Variants in HECW2 observed in about 807,000 individuals in gnomAD.
HECW2 encodes E3 ubiquitin-protein ligase HECW2.
A neutral mutation model predicts 175.2 loss-of-function variants in HECW2; 61 were observed. The observed-to-expected ratio is 0.35, with a 90% CI of 0.28 to 0.43. HECW2 has a LOEUF of 0.43. Ranked by LOEUF, HECW2 falls within the 20% of genes least tolerant of loss-of-function variation. The pLI is 1.00. For missense variants in HECW2, 1,524 were observed against 2,000.5 expected (o/e 0.76, Z 4.54); for synonymous variants, 671 against 731.0 (o/e 0.92, Z 1.32).
intron 1 of HECW2, among the ~76,000 whole-genome samples, chr2:196,577,792 T>C (rs1441380345): frequency 6.6e-6 from 1 of 152,096 alleles, no homozygotes; most frequent in Non-Finnish European, 1.5e-5. Flanking sequence ...TGACCACTAA[T>C]ATAACCAGAC....
intron 1 of HECW2, among the ~76,000 whole-genome samples, chr2:196,570,850 T>C (rs190050299): frequency 6.6e-6 from 1 of 152,320 alleles, no homozygotes; most frequent in East Asian, 1.9e-4. Context: ...GCTTTCCCTT[T>C]AGAAAGTGCA....
intron 1 of HECW2, among the ~76,000 whole-genome samples, chr2:196,437,246 G>T (rs1039563285): frequency 2.0e-5 from 3 of 152,072 alleles, no homozygotes; most frequent in Non-Finnish European, 4.4e-5. Context: ...AGAGTACTGG[G>T]AGGCGGAGAA....
intron 15 of HECW2, among the ~76,000 whole-genome samples, chr2:196,275,825 T>C (rs940736888): frequency 2.0e-5 from 3 of 152,172 alleles, no homozygotes; most frequent in African/African-American, 4.8e-5. Context: ...TGTTTCTTCA[T>C]TGTAGCAGGT....
At chr2:196,304,525 C>T (rs1162372563) in intron 13 of HECW2, among the ~76,000 whole-genome samples, 1 of 152,100 alleles carries the variant, frequency 6.6e-6, no homozygotes, top group Non-Finnish European at 1.5e-5. Context: ...CCACTCTATT[C>T]CCAGAGTCTA....
chr2:196,311,319 C>T (rs1339832955), intron 10 of HECW2, among the ~76,000 whole-genome samples: 3 of 152,152 alleles, frequency 2.0e-5, no homozygotes, highest in Admixed American at 2.0e-4. Flanking sequence ...ATCAGACTAT[C>T]TGAAGCTAGG....
At chr2:196,573,682 T>C (rs950837924) in intron 1 of HECW2, among the ~76,000 whole-genome samples, 2 of 152,114 alleles carry the variant, frequency 1.3e-5, no homozygotes, top group African/African-American at 4.8e-5. Context: ...TCAGCTGCAA[T>C]TGCCGAACAC....
intron 13 of HECW2, among the ~76,000 whole-genome samples, chr2:196,293,264 G>A (rs1690674167): frequency 6.6e-6 from 1 of 152,140 alleles, no homozygotes; most frequent in African/African-American, 2.4e-5. Context: ...TTGGTTTTCT[G>A]TTCCTGTGTT....
At chr2:196,297,207 T>C (rs1690849088) in intron 13 of HECW2, among the ~76,000 whole-genome samples, 1 of 152,222 alleles carries the variant, frequency 6.6e-6, no homozygotes, top group African/African-American at 2.4e-5. Context: ...TTGTTTTCCT[T>C]TGACATAATT....
intron 1 of HECW2, among the ~76,000 whole-genome samples, chr2:196,543,092 G>A (rs1033170730): frequency 1.3e-5 from 2 of 150,546 alleles, no homozygotes; most frequent in African/African-American, 2.4e-5. Context: ...ATCACTGGGA[G>A]GTAGCATTTC....
At chr2:196,363,647 C>G (rs1693663668) in intron 2 of HECW2, among the ~76,000 whole-genome samples, 1 of 152,036 alleles carries the variant, frequency 6.6e-6, no homozygotes, top group Non-Finnish European at 1.5e-5. Context: ...GGTGAGACAC[C>G]ATCTCTACAA....
intron 1 of HECW2, among the ~76,000 whole-genome samples, chr2:196,455,320 C>G (rs567362901): frequency 6.6e-6 from 1 of 152,350 alleles, no homozygotes; most frequent in East Asian, 1.9e-4. Context: ...GCGTAGGCCA[C>G]AATGCCCGGC....
chr2:196,285,539 T>C (rs1033610361), intron 14 of HECW2, among the ~76,000 whole-genome samples: 14 of 152,184 alleles, frequency 9.2e-5, no homozygotes, highest in African/African-American at 3.4e-4. Context: ...AAAAGGCTCA[T>C]TGTAATCTAC....
chr2:196,332,525 C>T (rs775122858), intron 4 of HECW2, among the ~76,000 whole-genome samples: 4 of 152,180 alleles, frequency 2.6e-5, no homozygotes, highest in Non-Finnish European at 4.4e-5. Context: ...GCTCTGAAAC[C>T]TGTTTGAAGC....
At chr2:196,453,990 A>G (rs10469751) in intron 1 of HECW2, among the ~76,000 whole-genome samples, 6,862 of 152,186 alleles carry the variant, frequency 0.045, 339 homozygotes, top group African/African-American at 0.12. Context: ...GAAAAAAGAA[A>G]TACTTCTATG....
At chr2:196,362,104 C>T in intron 2 of HECW2, 1 of 985,348 alleles carries the variant, frequency 1.0e-6, no homozygotes, top group Non-Finnish European at 1.2e-6. Flanking sequence ...CAAGAGGCTC[C>T]TGTCCAGTAT....
chr2:196,433,018 A>G, intron 2 of HECW2, 114 bp downstream of exon 2: 1 of 849,746 alleles, frequency 1.2e-6, no homozygotes, highest in Middle Eastern at 2.9e-4. Context: ...AGAATCTGCT[A>G]TGTGTATATG....
chr2:196,351,415 CA>C (rs1214119257), intron 2 of HECW2, among the ~76,000 whole-genome samples: 1 of 151,702 alleles, frequency 6.6e-6, no homozygotes, highest in Non-Finnish European at 1.5e-5. Context: ...CAGACATATC[CA>C]AACATATTCT....
intron 17 of HECW2, among the ~76,000 whole-genome samples, chr2:196,259,279 C>A (rs1490242073): frequency 6.6e-6 from 1 of 152,172 alleles, no homozygotes; most frequent in Non-Finnish European, 1.5e-5. Flanking sequence ...GGCCAAGTTG[C>A]ACTGATTTTT....
chr2:196,531,193 C>G (rs1419493414), intron 1 of HECW2, among the ~76,000 whole-genome samples: 1 of 152,118 alleles, frequency 6.6e-6, no homozygotes, highest in African/African-American at 2.4e-5. Flanking sequence ...AGCCCAAGTT[C>G]CAGAATGACC....
Sources: allele counts gnomAD v4.1 joint callset (sites outside exome capture counted in the v4.1 genomes callset), GRCh38; gene constraint gnomAD v4.1.1; transcripts MANE v1.5; gene names NCBI Gene and HGNC (gene_info 2026-07-23, HGNC 2026-07-21).